Variants in HSF2BP observed in about 807,000 individuals in gnomAD.
HSF2BP encodes heat shock factor 2-binding protein.
Under a neutral mutation model 35.0 loss-of-function variants are expected in HSF2BP, and 35 were observed. The ratio of observed to expected loss-of-function variants is 1.00; its 90% confidence interval spans 0.76 to 1.32. The LOEUF (loss-of-function observed/expected upper bound fraction) is 1.32, where lower values mean the gene tolerates loss of function less well. Among genes scored for constraint, HSF2BP ranks in the 40% most tolerant of loss-of-function variants. The probability of loss-of-function intolerance (pLI) is 0.00; values close to 1 mark genes in which losing one functional copy is unlikely to be tolerated. For missense variants in HSF2BP, 326 were observed against 321.7 expected, an observed-to-expected ratio of 1.01 and a Z score of -0.10; for synonymous variants, 114 against 117.4, an observed-to-expected ratio of 0.97 and a Z score of 0.18.
intron 7 of HSF2BP, among the ~76,000 whole-genome samples, chr21:43,592,584 C>T (rs552008856): frequency 2.0e-5 from 3 of 152,250 alleles, no homozygotes; most frequent in East Asian, 1.9e-4. Context: ...GAGGGTCCCA[C>T]GGGAAGCCTC....
chr21:43,646,780 A>G (rs1237534309), intron 3 of HSF2BP, among the ~76,000 whole-genome samples: 1 of 152,226 alleles, frequency 6.6e-6, no homozygotes, highest in African/African-American at 2.4e-5. Context: ...GGCCACACCC[A>G]TCTACGCCAG....
intron 3 of HSF2BP, among the ~76,000 whole-genome samples, chr21:43,651,602 C>T (rs912262434): frequency 6.6e-6 from 1 of 152,114 alleles, no homozygotes; most frequent in African/African-American, 2.4e-5. Flanking sequence ...CCAGTTGACT[C>T]TCATCTCAAA....
At chr21:43,586,502 C>T (rs11089065) in intron 8 of HSF2BP, among the ~76,000 whole-genome samples, 6,797 of 151,732 alleles carry the variant, frequency 0.045, 511 homozygotes, top group African/African-American at 0.15. Flanking sequence ...GATATTTAGA[C>T]TAGAAATAAA....
chr21:43,606,049 C>T (rs968034824), intron 7 of HSF2BP, among the ~76,000 whole-genome samples: 11 of 151,994 alleles, frequency 7.2e-5, no homozygotes, highest in Middle Eastern at 3.4e-3. Flanking sequence ...GAAGTAAAGC[C>T]GCCTGCCGGG....
chr21:43,600,674 G>A (rs905338048), intron 7 of HSF2BP, among the ~76,000 whole-genome samples: 6 of 152,100 alleles, frequency 3.9e-5, no homozygotes, highest in Non-Finnish European at 7.3e-5. Flanking sequence ...TCAAATATCT[G>A]TATGTCAATT....
In HSF2BP at chr21:43,633,695, TAC is replaced by T. The variant is rs1206676790; in HGVS notation, c.292-276_292-275del. 3.9e-5 allele frequency among the ~76,000 whole-genome samples: 6 copies of T among 152,310 alleles called. No individual in the cohort carries two copies. The South Asian group carries it at 1.0e-3, about 26-fold the overall frequency. Reference sequence around the variant, plus strand: ...GCTGAATTCATCTGCTTTAAGTAACTACATGAAATATCTCAAGCCCCAAGTAA... The same window carrying T: ...GCTGAATTCATCTGCTTTAAGTAACTATGAAATATCTCAAGCCCCAAGTAA... On this transcript the variant is annotated intron_variant, in intron 4 of 8. Transcript: ENST00000291560.
At chr21:43,582,409 A>AGGAGATGAGGGCCTGTTGCG (rs2081764969) in intron 8 of HSF2BP, among the ~76,000 whole-genome samples, 1 of 76,716 alleles carries the variant, frequency 1.3e-5, no homozygotes, top group Non-Finnish European at 2.7e-5. Flanking sequence ...GGCCTGCTGC[A>AGGAGATGAGGGCCTGTTGCG]GGAGATGAGG....
intron 7 of HSF2BP, among the ~76,000 whole-genome samples, chr21:43,593,597 T>A (rs925075890): frequency 1.3e-5 from 2 of 151,914 alleles, no homozygotes; most frequent in Admixed American, 1.3e-4. Flanking sequence ...TAAAAGAAAT[T>A]AAAAACATAA....
At chr21:43,605,514 C>T (rs1228027474) in intron 7 of HSF2BP, among the ~76,000 whole-genome samples, 2 of 147,612 alleles carry the variant, frequency 1.4e-5, no homozygotes, top group African/African-American at 5.0e-5. Flanking sequence ...TATCCCCCCA[C>T]GCACCTCCCA....
intron 5 of HSF2BP, among the ~76,000 whole-genome samples, chr21:43,631,002 A>T (rs945709011): frequency 1.3e-5 from 2 of 152,210 alleles, no homozygotes. Flanking sequence ...CAGTTAAAAA[A>T]TTGGAAATAT....
At position 43,659,200 on chromosome 21, in the gene HSF2BP, G is replaced by A. The variant is rs1394553030; in HGVS notation, c.-225+186C>T. 6.6e-6 allele frequency among the ~76,000 whole-genome samples: 1 copy of A among 152,090 alleles called. No homozygotes were observed. The highest frequency in any genetic ancestry group is 1.5e-5 in the Non-Finnish European group (1 of 68,010). ...TAGTCTCAGCTACTTGGGCGGTCGA[G>A]ATGGGAGGATCGATCGAGTCTGGGA... is the stretch of plus-strand genomic sequence containing the variant. On this transcript the variant is annotated intron_variant, in intron 1 of 8. Coordinates refer to ENST00000291560, the MANE Select transcript of HSF2BP (RefSeq NM_007031.2). This position sits in a 1 kb window ranked among gnomAD's most constrained non-coding sequence, Gnocchi z 4.2.
At chr21:43,615,712 T>G (rs2082261178) in intron 6 of HSF2BP, among the ~76,000 whole-genome samples, 1 of 152,156 alleles carries the variant, frequency 6.6e-6, no homozygotes, top group South Asian at 2.1e-4. Flanking sequence ...ACCTGATAGG[T>G]ACATTTTCCA....
chr21:43,586,678 T>A (rs529151273), intron 8 of HSF2BP, among the ~76,000 whole-genome samples: 82 of 152,278 alleles, frequency 5.4e-4, no homozygotes, highest in African/African-American at 2.0e-3. Context: ...AAAGCTGCAA[T>A]TCAAATCTGG....
chr21:43,619,632 C>T (rs2082309818), intron 6 of HSF2BP, among the ~76,000 whole-genome samples: 1 of 152,218 alleles, frequency 6.6e-6, no homozygotes, highest in Non-Finnish European at 1.5e-5. Context: ...AACTCAGTTG[C>T]TACACTGGAA....
intron 4 of HSF2BP, among the ~76,000 whole-genome samples, chr21:43,633,931 C>T (rs1023470432): frequency 6.6e-6 from 1 of 152,218 alleles, no homozygotes; most frequent in African/African-American, 2.4e-5. Flanking sequence ...TAGAAAAACT[C>T]ATCCTGTATA....
chr21:43,620,532 A>G (rs967624523), intron 6 of HSF2BP, among the ~76,000 whole-genome samples: 4 of 152,154 alleles, frequency 2.6e-5, no homozygotes, highest in African/African-American at 9.7e-5. Context: ...CATCTCTACA[A>G]AAAACATAAA....
At chr21:43,622,983 TTC>T (rs1222711940) in intron 6 of HSF2BP, among the ~76,000 whole-genome samples, 2 of 151,854 alleles carry the variant, frequency 1.3e-5, no homozygotes, top group African/African-American at 2.4e-5. Flanking sequence ...TTTTTTTTTT[TTC>T]GTAGAGATAG....
chr21:43,574,295 G>A lies in HSF2BP; in HGVS notation c.796+17930C>T, dbSNP rs148159485. Reference sequence around the variant, plus strand: ...TCTGAAGACATCAGCAAATCTACACGTTGGGTGATTATCTTGGGAGCAATG... The same window carrying A: ...TCTGAAGACATCAGCAAATCTACACATTGGGTGATTATCTTGGGAGCAATG... On this transcript the variant is annotated intron_variant, in intron 8 of 8. Transcript: ENST00000291560. 8.7e-3 allele frequency among the ~76,000 whole-genome samples: 1,321 copies of A among 152,264 alleles called. 20 individuals carry two copies. The highest frequency in any genetic ancestry group is 0.029 in the African/African-American group (1,187 of 41,536).
chr21:43,592,214 A>AC lies in HSF2BP; in HGVS notation c.796+10dup, dbSNP rs759941168. On this transcript the variant is annotated intron_variant, in intron 8 of 8. Transcript: ENST00000291560. ...CGTACAAGCAGCTGGACAGATAACC[A>AC]CCCCCCTTACCACTCAAAAGCCACC... is the stretch of plus-strand genomic sequence containing the variant. The AC allele has an allele frequency of 5.5e-5, 86 of 1,577,250 alleles. No homozygotes were observed. Among genetic ancestry groups the AC allele is most frequent in the Middle Eastern group, 5.0e-4 (3 of 6,024 alleles).
Sources: gnomAD v4.1 joint callset for allele counts (sites outside exome capture counted in the v4.1 genomes callset) on GRCh38, gnomAD v4.1.1 for gene constraint, Gnocchi (gnomAD v3.1) non-coding constraint, MANE v1.5 for transcripts, NCBI Gene and HGNC (gene_info 2026-07-23, HGNC 2026-07-21) for gene names.